PIN4: variants seen among roughly 807,000 people sequenced by gnomAD.
PIN4 encodes the protein peptidylprolyl cis/trans isomerase, NIMA-interacting 4.
PIN4 carries 3 observed loss-of-function variants against 8.3 expected under a neutral mutation model. The ratio of observed to expected loss-of-function variants is 0.36; its 90% CI spans 0.16 to 0.93. The LOEUF is 0.93. Among genes scored for constraint, PIN4 ranks in the 40% least tolerant of loss-of-function variants. The pLI is 0.44. For missense variants in PIN4, 75 were observed against 100.6 expected (o/e 0.75, Z 1.09); for synonymous variants, 18 against 32.5 (o/e 0.55, Z 1.52).
chrX:72,227,875 C>T (rs1236760893), intron 3 of PIN4, among the ~76,000 whole-genome samples: 2 of 112,594 alleles, frequency 1.8e-5, no homozygotes, highest in East Asian at 2.8e-4. Flanking sequence ...ATCGGCCAGC[C>T]GTAATAAAGA....
chrX:72,231,117 C>T (rs1433604158), intron 3 of PIN4, among the ~76,000 whole-genome samples: 3 of 112,283 alleles, frequency 2.7e-5, no homozygotes, highest in Non-Finnish European at 1.9e-5. Flanking sequence ...GAGATACCTG[C>T]ACTCCCGTGT....
intron 2 of PIN4, among the ~76,000 whole-genome samples, chrX:72,193,663 G>T (rs1446433250): frequency 9.0e-6 from 1 of 111,688 alleles, no homozygotes; most frequent in Non-Finnish European, 1.9e-5. Context: ...TTGAGGTCAG[G>T]AGTTCAAGAC....
chrX:72,244,625 C>T (rs2043060737), intron 3 of PIN4, among the ~76,000 whole-genome samples: 1 of 111,861 alleles, frequency 8.9e-6, no homozygotes, highest in Admixed American at 9.5e-5. Flanking sequence ...AAACAGTACT[C>T]AAACCTAGGT....
chrX:72,235,015 C>T (rs2043008216), intron 3 of PIN4, among the ~76,000 whole-genome samples: 1 of 112,194 alleles, frequency 8.9e-6, no homozygotes, highest in African/African-American at 3.2e-5. Flanking sequence ...ATTGTTTCTT[C>T]AACCATGTTC....
chrX:72,248,944 G>A (rs2043077539), intron 3 of PIN4, among the ~76,000 whole-genome samples: 1 of 111,556 alleles, frequency 9.0e-6, no homozygotes, highest in Non-Finnish European at 1.9e-5. Flanking sequence ...GTAAGTTTGA[G>A]GACTTGCAAA....
intron 3 of PIN4, among the ~76,000 whole-genome samples, chrX:72,231,070 T>C (rs754687039): frequency 8.9e-6 from 1 of 112,382 alleles, no homozygotes; most frequent in South Asian, 3.7e-4. Context: ...ATCTCACTTC[T>C]GGGTACTTCC....
intron 2 of PIN4, among the ~76,000 whole-genome samples, chrX:72,187,051 A>G (rs548406432): frequency 1.8e-5 from 2 of 112,791 alleles, no homozygotes; most frequent in African/African-American, 6.4e-5. Context: ...ATTTCTTTAT[A>G]GTTTTTTAGT....
At chrX:72,234,504 A>G (rs771547101) in intron 3 of PIN4, among the ~76,000 whole-genome samples, 1 of 112,227 alleles carries the variant, frequency 8.9e-6, no homozygotes, top group Non-Finnish European at 1.9e-5. Context: ...AAGTGTAGAC[A>G]ATGATATGAC....
chrX:72,254,126 T>C (rs1019498237), intron 3 of PIN4, among the ~76,000 whole-genome samples: 2 of 111,962 alleles, frequency 1.8e-5, no homozygotes, highest in Non-Finnish European at 3.8e-5. Context: ...CTATCGAAAC[T>C]CCTCACTGAA....
chrX:72,182,426 C>A (rs974865451), intron 1 of PIN4, among the ~76,000 whole-genome samples: 1 of 110,365 alleles, frequency 9.1e-6, no homozygotes, highest in Non-Finnish European at 1.9e-5. Context: ...CGCCCGTAAT[C>A]CCAGCTACTC....
chrX:72,262,558 A>G (rs1275526347), intron 3 of PIN4: 8 of 379,545 alleles, frequency 2.1e-5, no homozygotes. Context: ...TGTAGCACTT[A>G]ATGATGATCA....
chrX:72,198,018 A>G lies in PIN4; in HGVS notation c.*492A>G. On this transcript the variant is annotated 3_prime_UTR_variant, in exon 4 of 4. Coordinates refer to ENST00000373669, the MANE Select transcript of PIN4 (RefSeq NM_006223.4). The stretch of plus-strand genomic sequence containing the variant: ...GGTATTAGCTCCACTGTCTTAACAT[A>G]GTACGTGGCACGTTATGCCTTTCAG... 1 of 744,713 alleles carries G rather than the reference A, an allele frequency of 1.3e-6. No homozygotes were observed. Among genetic ancestry groups the G allele is most frequent in the Non-Finnish European group, 1.6e-6 (1 of 629,906 alleles). The allele number at this position is 744,713 out of a possible 1,213,427, so 61.4% of individuals were successfully genotyped here.
chrX:72,182,421 G>A (rs1311920409), intron 1 of PIN4, among the ~76,000 whole-genome samples: 4 of 110,377 alleles, frequency 3.6e-5, no homozygotes, highest in Non-Finnish European at 5.7e-5. Context: ...GTGCGCGCCC[G>A]TAATCCCAGC....
In PIN4 at chrX:72,186,141, G is replaced by A. The variant is rs747993839; in HGVS notation, c.44-320G>A. ...AACCCACGGCCCACGGGCTGCATAC[G>A]GCCCAGGATGGCTTTGAATGCAGCC... On this transcript the variant is annotated intron_variant, in intron 1 of 3. Coordinates refer to ENST00000373669, the MANE Select transcript of PIN4 (RefSeq NM_006223.4). 2.2e-4 allele frequency: 63 copies of A among 289,178 alleles called. 1 individual carries two copies. Among genetic ancestry groups the A allele is most frequent in the Middle Eastern group, 2.3e-3 (2 of 863 alleles). 23.8% of individuals were successfully genotyped at this position (289,178 alleles called of 1,213,427 possible).
chrX:72,225,520 C>G (rs1486529197), intron 3 of PIN4, among the ~76,000 whole-genome samples: 1 of 112,440 alleles, frequency 8.9e-6, no homozygotes, highest in Admixed American at 9.4e-5. Flanking sequence ...ATGATAACTC[C>G]AAATACTTGA....
intron 3 of PIN4, among the ~76,000 whole-genome samples, chrX:72,213,536 C>T (rs1204811857): frequency 1.8e-5 from 2 of 111,772 alleles, no homozygotes; most frequent in Non-Finnish European, 3.8e-5. Context: ...AGCTTTCGCT[C>T]ACCGTCCACC....
chrX:72,261,025 C>T lies in PIN4; in HGVS notation c.313-1682C>T, dbSNP rs932587324. 3.6e-5 allele frequency among the ~76,000 whole-genome samples: 4 copies of T among 111,625 alleles called. 1 individual carries two copies. Among genetic ancestry groups the T allele is most frequent in the Non-Finnish European group, 7.5e-5 (4 of 53,116 alleles). ...AAATTAAGCAAAATTTAGCCGGGCG[C>T]GGTGGCTCATGCCTGTAATCCCAAC... is the stretch of plus-strand genomic sequence containing the variant. On this transcript the variant is annotated intron_variant, in intron 3 of 3. Coordinates refer to the PIN4 transcript ENST00000423432.
chrX:72,186,445 C>T lies in PIN4; in HGVS notation c.44-16C>T, dbSNP rs988232567. On this transcript the variant is annotated splice_polypyrimidine_tract_variant and intron_variant, in intron 1 of 3. Transcript: ENST00000373669. ...AGGTGCAGTTTAAATGAGTACCTGT[C>T]ATCTCTTCTCTAAAGGGGGAGCAGC... 3.5e-6 allele frequency: 4 copies of T among 1,133,032 alleles called. No homozygotes were observed. Among genetic ancestry groups the T allele is most frequent in the African/African-American group, 3.7e-5 (2 of 54,666 alleles). 93.4% of individuals were successfully genotyped at this position (1,133,032 alleles called of 1,213,427 possible).
chrX:72,247,826 C>A (rs2043072356), intron 3 of PIN4, among the ~76,000 whole-genome samples: 1 of 111,737 alleles, frequency 8.9e-6, no homozygotes, highest in Non-Finnish European at 1.9e-5. Context: ...TCAAATTAGC[C>A]AAAAAAGGCA....
Sources: allele counts gnomAD v4.1 joint callset (sites outside exome capture counted in the v4.1 genomes callset), GRCh38; gene constraint gnomAD v4.1.1; transcripts MANE v1.5; gene names NCBI Gene and HGNC (gene_info 2026-07-23, HGNC 2026-07-21).